Variants in ACTR3C observed in about 807,000 individuals in gnomAD.
ACTR3C encodes actin-related protein 3C.
A neutral mutation model predicts 26.3 loss-of-function variants in ACTR3C; 18 were observed. The ratio of observed to expected loss-of-function variants is 0.68; its 90% CI spans 0.47 to 1.01. The LOEUF (loss-of-function observed/expected upper bound fraction) is 1.01, where lower values mean the gene tolerates loss of function less well. Ranked by LOEUF, ACTR3C falls within the 50% of genes least tolerant of loss-of-function variation. The pLI, the probability that ACTR3C is intolerant of heterozygous loss-of-function variation, is 0.00. For missense variants in ACTR3C, 184 were observed against 250.7 expected (o/e 0.73, Z 1.80); for synonymous variants, 55 against 94.5 (o/e 0.58, Z 2.42).
At chr7:150,023,579 A>G in the ACTR3C span, among the ~76,000 whole-genome samples, 1 of 151,900 alleles carries the variant, frequency 6.6e-6, no homozygotes, top group Admixed American at 6.6e-5. Context: ...AGCAACAGCA[A>G]GTTTTTCCAG....
At chr7:150,173,064 G>T in the ACTR3C span, among the ~76,000 whole-genome samples, 1 of 149,920 alleles carries the variant, frequency 6.7e-6, no homozygotes, top group African/African-American at 2.5e-5. Context: ...GCTGTTGGTG[G>T]ATCTACCATT....
the ACTR3C span, among the ~76,000 whole-genome samples, chr7:150,205,688 C>T: frequency 1.3e-5 from 2 of 152,162 alleles, no homozygotes; most frequent in African/African-American, 4.8e-5. Context: ...TGTCTCTTGC[C>T]ACAAAGCCTC....
chr7:150,109,043 A>G, the ACTR3C span, among the ~76,000 whole-genome samples: 2 of 152,050 alleles, frequency 1.3e-5, no homozygotes, highest in South Asian at 4.1e-4. Flanking sequence ...GCCCTAAATT[A>G]ACACCTGCAG....
chr7:150,042,775 G>T, the ACTR3C span, among the ~76,000 whole-genome samples: 6 of 151,538 alleles, frequency 4.0e-5, no homozygotes, highest in Non-Finnish European at 8.8e-5. Flanking sequence ...CTGTCTAGTT[G>T]TTTAGAGACG....
At chr7:149,954,261 T>C in the ACTR3C span, among the ~76,000 whole-genome samples, 4 of 152,202 alleles carry the variant, frequency 2.6e-5, no homozygotes, top group Non-Finnish European at 5.9e-5. Context: ...TGTATAATCA[T>C]TTGAGTAGAA....
the ACTR3C span, among the ~76,000 whole-genome samples, chr7:150,045,729 T>C: frequency 6.6e-6 from 1 of 152,172 alleles, no homozygotes; most frequent in Admixed American, 6.5e-5. Context: ...AGGACATGTA[T>C]ACTCCAAGTT....
the ACTR3C span, among the ~76,000 whole-genome samples, chr7:149,903,686 T>C: frequency 6.6e-6 from 1 of 150,698 alleles, no homozygotes; most frequent in South Asian, 2.1e-4. Context: ...GGACCACAGG[T>C]GAGTGTCACT....
the ACTR3C span, among the ~76,000 whole-genome samples, chr7:150,097,769 T>G: frequency 6.6e-6 from 1 of 151,468 alleles, no homozygotes. Context: ...CAAGCAGAGC[T>G]GGGCCACAGG....
the ACTR3C span, among the ~76,000 whole-genome samples, chr7:150,052,237 ACTCT>A: frequency 6.6e-5 from 10 of 150,586 alleles, no homozygotes; most frequent in African/African-American, 1.5e-4. Flanking sequence ...TCTGTTTCTC[ACTCT>A]CTATCTCTCA....
the ACTR3C span, among the ~76,000 whole-genome samples, chr7:150,051,855 A>G: frequency 3.9e-5 from 6 of 152,124 alleles, no homozygotes; most frequent in South Asian, 1.2e-3. Flanking sequence ...CAAGCTAAGC[A>G]TTGTAGGAAT....
chr7:150,273,140 GTC>G (rs1312933797), intron 6 of ACTR3C, among the ~76,000 whole-genome samples: 1 of 150,394 alleles, frequency 6.6e-6, no homozygotes, highest in Non-Finnish European at 1.5e-5. Flanking sequence ...CCACACAACA[GTC>G]TGAAAGAAAG....
At chr7:150,032,690 G>A in the ACTR3C span, among the ~76,000 whole-genome samples, 33 of 152,050 alleles carry the variant, frequency 2.2e-4, no homozygotes, top group African/African-American at 7.9e-4. Flanking sequence ...TATCATGTCA[G>A]CACCACATCC....
intron 6 of ACTR3C, among the ~76,000 whole-genome samples, chr7:150,259,604 G>A (rs886678867): frequency 5.3e-5 from 8 of 152,104 alleles, no homozygotes; most frequent in African/African-American, 1.9e-4. Context: ...CAGAATTACC[G>A]ATTTCATGGT....
intron 6 of ACTR3C, among the ~76,000 whole-genome samples, chr7:150,284,400 G>C (rs1046112397): frequency 6.6e-6 from 1 of 152,036 alleles, no homozygotes; most frequent in African/African-American, 2.4e-5. Flanking sequence ...AAAAAAATTC[G>C]CTGGGCGTGG....
At chr7:150,084,696 G>A in the ACTR3C span, among the ~76,000 whole-genome samples, 3 of 152,188 alleles carry the variant, frequency 2.0e-5, no homozygotes, top group Non-Finnish European at 4.4e-5. Context: ...GGAACAGGGC[G>A]TGCACACCAT....
the ACTR3C span, among the ~76,000 whole-genome samples, chr7:149,991,385 A>T: frequency 1.3e-5 from 2 of 152,178 alleles, no homozygotes; most frequent in Non-Finnish European, 2.9e-5. Flanking sequence ...AAGGACCTCA[A>T]ACTGGGCTGT....
the ACTR3C span, among the ~76,000 whole-genome samples, chr7:149,982,492 T>C: frequency 6.6e-6 from 1 of 152,070 alleles, no homozygotes; most frequent in African/African-American, 2.4e-5. Context: ...ATTATCCCTG[T>C]GGTATAGACA....
At chr7:150,162,413 C>T in the ACTR3C span, among the ~76,000 whole-genome samples, 1 of 152,080 alleles carries the variant, frequency 6.6e-6, no homozygotes, top group African/African-American at 2.4e-5. Flanking sequence ...GCAACCTCTG[C>T]CTCCAGGGTT....
the ACTR3C span, among the ~76,000 whole-genome samples, chr7:150,121,255 A>G: frequency 6.6e-6 from 1 of 152,218 alleles, no homozygotes; most frequent in Non-Finnish European, 1.5e-5. Context: ...GAAAGAAATA[A>G]AGCATATTCA....
Sources: gnomAD v4.1 joint callset for allele counts (sites outside exome capture counted in the v4.1 genomes callset) on GRCh38, gnomAD v4.1.1 for gene constraint, MANE v1.5 for transcripts, NCBI Gene and HGNC (gene_info 2026-07-23, HGNC 2026-07-21) for gene names.